The following SERGEF variants were observed in gnomAD, a reference collection of about 807,000 sequenced individuals.
SERGEF encodes the protein secretion-regulating guanine nucleotide exchange factor.
SERGEF carries 51 observed loss-of-function variants against 50.0 expected under a neutral mutation model. That is an observed-to-expected ratio of 1.02 (90% CI 0.81 to 1.29). SERGEF has a LOEUF of 1.29. Ranked by LOEUF, SERGEF falls within the 50% of genes most tolerant of loss-of-function variation. The pLI is 0.00. For synonymous variants in SERGEF, 205 were observed against 212.4 expected (o/e 0.97, Z 0.30); for missense variants, 521 against 557.0 (o/e 0.94, Z 0.65).
chr11:17,921,663 G>A (rs1852157845), intron 9 of SERGEF, among the ~76,000 whole-genome samples: 1 of 152,230 alleles, frequency 6.6e-6, no homozygotes, highest in Non-Finnish European at 1.5e-5. Context: ...CAGACAAAGA[G>A]TCCTCACCCC....
intron 8 of SERGEF, among the ~76,000 whole-genome samples, chr11:17,966,455 G>A (rs1424910941): frequency 6.6e-6 from 1 of 152,080 alleles, no homozygotes; most frequent in East Asian, 1.9e-4. Context: ...AACCGCAACA[G>A]ATGACCTCTT....
At chr11:17,932,084 GAA>G (rs1852362930) in intron 9 of SERGEF, among the ~76,000 whole-genome samples, 1 of 152,144 alleles carries the variant, frequency 6.6e-6, no homozygotes, top group African/African-American at 2.4e-5. Flanking sequence ...GTCAGAGAAG[GAA>G]GAGAAAGAAA....
At chr11:17,834,415 G>A (rs909375125) in intron 10 of SERGEF, among the ~76,000 whole-genome samples, 5 of 152,148 alleles carry the variant, frequency 3.3e-5, no homozygotes, top group Non-Finnish European at 7.3e-5. Flanking sequence ...GCATGAAAAC[G>A]TACTAATACA....
intron 9 of SERGEF, among the ~76,000 whole-genome samples, chr11:17,949,965 T>A (rs550168460): frequency 1.3e-5 from 2 of 152,200 alleles, no homozygotes; most frequent in Admixed American, 6.5e-5. Context: ...AGAACCAGCA[T>A]GCAAAGACCC....
At chr11:17,802,266 T>C (rs73424057) in intron 10 of SERGEF, among the ~76,000 whole-genome samples, 1 of 152,282 alleles carries the variant, frequency 6.6e-6, no homozygotes, top group African/African-American at 2.4e-5. Flanking sequence ...GAGGCAGCCC[T>C]GAAAGACCCT....
chr11:17,926,121 G>A (rs1852243738), intron 9 of SERGEF, among the ~76,000 whole-genome samples: 1 of 152,122 alleles, frequency 6.6e-6, no homozygotes, highest in African/African-American at 2.4e-5. Context: ...TTAGATGTCA[G>A]TTTCAAATGC....
chr11:17,895,071 C>T (rs1851595719), intron 9 of SERGEF, among the ~76,000 whole-genome samples: 1 of 152,190 alleles, frequency 6.6e-6, no homozygotes, highest in East Asian at 1.9e-4. Context: ...GTGCACAGAG[C>T]CCAAGAATCT....
intron 8 of SERGEF, among the ~76,000 whole-genome samples, chr11:17,960,915 T>G (rs184482530): frequency 2.2e-4 from 34 of 152,308 alleles, no homozygotes; most frequent in African/African-American, 7.7e-4. Context: ...TCCATTCAAA[T>G]GTACTCCTTC....
intron 10 of SERGEF, among the ~76,000 whole-genome samples, chr11:17,860,855 C>T (rs1850913568): frequency 6.6e-6 from 1 of 152,138 alleles, no homozygotes; most frequent in Non-Finnish European, 1.5e-5. Context: ...TGTGTAAGAG[C>T]TTAGTGAGAC....
At chr11:17,946,041 A>T (rs879635317) in intron 9 of SERGEF, among the ~76,000 whole-genome samples, 1 of 152,136 alleles carries the variant, frequency 6.6e-6, no homozygotes, top group Non-Finnish European at 1.5e-5. Flanking sequence ...CCAGGTGATT[A>T]AGAGCTCTAG....
chr11:17,999,580 T>C (rs1391692425), intron 5 of SERGEF: 1 of 456,120 alleles, frequency 2.2e-6, no homozygotes, highest in Admixed American at 2.4e-5. Context: ...GTCCTTCAGT[T>C]CAAAAGGAGT....
chr11:17,975,243 G>A (rs562976211), intron 8 of SERGEF, among the ~76,000 whole-genome samples: 9 of 152,292 alleles, frequency 5.9e-5, no homozygotes, highest in African/African-American at 1.4e-4. Flanking sequence ...TTCCTCATGT[G>A]TAAAATGGGA....
chr11:17,788,177 T>C lies in SERGEF; in HGVS notation c.1285A>G (p.Lys429Glu), dbSNP rs1528. ...PDAIEDTESQ[K>E]AMDKERNWKE... ...CAGTTTCTCTCTTTGTCCATGGCTTTCTGAGATTCAGTGTCCTCGATGGCA... is the reference window on the plus strand; with the variant it reads ...CAGTTTCTCTCTTTGTCCATGGCTTCCTGAGATTCAGTGTCCTCGATGGCA... The change falls in exon 11 of 11, where the codon AAA becomes GAA. Residue 429 changes from lysine (K) to glutamate (E), a missense_variant. Coordinates refer to ENST00000265965, the MANE Select transcript of SERGEF (RefSeq NM_012139.4). The C allele has an allele frequency of 0.11, 172,974 of 1,600,534 alleles. 10,561 individuals carry two copies. The highest frequency in any genetic ancestry group is 0.18 in the South Asian group (16,489 of 90,326).
chr11:17,918,783 GA>G, intron 9 of SERGEF: 4 of 433,332 alleles, frequency 9.2e-6, no homozygotes, highest in East Asian at 7.1e-5. Flanking sequence ...AGCTAGTCTG[GA>G]AAAAAAGCAG....
intron 10 of SERGEF, among the ~76,000 whole-genome samples, chr11:17,836,816 C>T (rs1002262074): frequency 6.6e-6 from 1 of 152,158 alleles, no homozygotes; most frequent in African/African-American, 2.4e-5. Context: ...GAAGTTCCCA[C>T]CTTCCCTGGA....
At chr11:17,914,207 A>T (rs1007897299) in intron 9 of SERGEF, among the ~76,000 whole-genome samples, 1 of 152,076 alleles carries the variant, frequency 6.6e-6, no homozygotes, top group Admixed American at 6.5e-5. Flanking sequence ...TCTTGTCCAA[A>T]TCTTACGGAT....
chr11:17,798,852 T>A (rs919786103), intron 10 of SERGEF, among the ~76,000 whole-genome samples: 1 of 152,188 alleles, frequency 6.6e-6, no homozygotes, highest in Non-Finnish European at 1.5e-5. Context: ...GATATTTTGG[T>A]CACACTCTGT....
At chr11:17,897,761 T>C (rs1851675242) in intron 9 of SERGEF, among the ~76,000 whole-genome samples, 1 of 152,140 alleles carries the variant, frequency 6.6e-6, no homozygotes, top group Non-Finnish European at 1.5e-5. Context: ...TTGGGGTGGA[T>C]TGGTTGACTG....
At chr11:17,909,921 A>T (rs1011836298) in intron 9 of SERGEF, among the ~76,000 whole-genome samples, 2 of 152,162 alleles carry the variant, frequency 1.3e-5, no homozygotes, top group African/African-American at 4.8e-5. Context: ...CCTTAGGGCC[A>T]GAGACTGAGT....
Sources: allele counts gnomAD v4.1 joint callset (sites outside exome capture counted in the v4.1 genomes callset), GRCh38; gene constraint gnomAD v4.1.1; transcripts MANE v1.5; gene names NCBI Gene and HGNC (gene_info 2026-07-23, HGNC 2026-07-21).